The following MUC3A variants were observed in gnomAD, a reference collection of about 807,000 sequenced individuals.
MUC3A encodes mucin-3A.
MUC3A carries 109 observed loss-of-function variants against 109.0 expected under a neutral mutation model. The ratio of observed to expected loss-of-function variants is 1.00; its 90% CI spans 0.86 to 1.17. The LOEUF is 1.17. MUC3A is among the 50% of genes most tolerant of loss of function. The pLI is 0.00. For missense variants in MUC3A, 3,537 were observed against 2,469.4 expected (o/e 1.43, Z -9.16); for synonymous variants, 1,398 against 981.4 (o/e 1.42, Z -7.93).
Position 100,955,998 on chromosome 7 carries a change from C to T in MUC3A, c.4219C>T (p.Pro1407Ser), listed in dbSNP as rs1792086180. The T allele has an allele frequency of 2.0e-6, 1 of 494,714 alleles. No homozygotes were observed. Among genetic ancestry groups the T allele is most frequent in the South Asian group, 4.7e-5 (1 of 21,380 alleles). The allele number at this position is 494,714 out of a possible 1,614,324, so 30.6% of individuals were successfully genotyped here. The stretch of plus-strand genomic sequence containing the variant: ...TTCTATGAGAACTACGACCTCTTGG[C>T]CCACAGCCACTAATACGTTATCACC... ...MTSMRTTTSW[P>S]TATNTLSPLT... Residue 1407 changes from proline to serine, a missense_variant, in exon 2 of 12, where the codon CCC (proline) becomes TCC (serine). Coordinates refer to ENST00000379458, the MANE Select transcript of MUC3A (RefSeq NM_005960.2).
rs1254005163 is a variant in MUC3A, at chr7:100,960,660, C to T, written c.8866+15C>T. 1.3e-6 allele frequency: 2 copies of T among 1,594,074 alleles called. No homozygotes were observed. Among genetic ancestry groups the T allele is most frequent in the African/African-American group, 2.7e-5 (2 of 74,876 alleles). On this transcript the variant is annotated intron_variant, in intron 2 of 11. Coordinates refer to ENST00000379458, the MANE Select transcript of MUC3A (RefSeq NM_005960.2). Reference sequence around the variant, plus strand: ...CACCACTGCAGGTTGGACCTTCTGCCTCTCTGTTCCCCTCCTTCCTCCCCT... The same window carrying T: ...CACCACTGCAGGTTGGACCTTCTGCTTCTCTGTTCCCCTCCTTCCTCCCCT...
At chr7:100,966,145 C>A in intron 8 of MUC3A, 1 of 292,388 alleles carries the variant, frequency 3.4e-6, no homozygotes, top group Non-Finnish European at 5.1e-6. Context: ...GGTTGAACCC[C>A]GCCCCCTCCT....
At chr7:100,962,484 A>T in intron 3 of MUC3A, among the ~76,000 whole-genome samples, 1 of 152,312 alleles carries the variant, frequency 6.6e-6, no homozygotes, top group Non-Finnish European at 1.5e-5. Context: ...CTCCCTTGCC[A>T]TGTAGTATAG....
intron 8 of MUC3A, 66 bp from the exon 9 acceptor site, chr7:100,966,320 G>A (rs1245607800): frequency 2.1e-5 from 26 of 1,229,038 alleles, no homozygotes; most frequent in Middle Eastern, 6.0e-4. Flanking sequence ...CCCCCGCGGG[G>A]CCCAGGTGCA....
chr7:100,957,232 C>T lies in MUC3A; in HGVS notation c.5453C>T (p.Pro1818Leu). Residue 1818 changes from proline (P) to leucine (L), a missense_variant, in exon 2 of 12, where the codon CCT (proline) becomes CTT (leucine). Pro to Leu is a moderately conservative substitution (Grantham distance 98). Coordinates refer to ENST00000379458, the MANE Select transcript of MUC3A (RefSeq NM_005960.2). ...AITSGTTNTTPLSTLVTTFSN... is the reference protein window; with the variant it reads ...AITSGTTNTTLLSTLVTTFSN... ...ACCAGTGGTACCACAAACACCACCCCTCTATCTACATTGGTGACCACATTC... is the reference window on the plus strand; with the variant it reads ...ACCAGTGGTACCACAAACACCACCCTTCTATCTACATTGGTGACCACATTC... The T allele has an allele frequency of 2.0e-6, 1 of 489,668 alleles. No homozygotes were observed. Among genetic ancestry groups the T allele is most frequent in the Non-Finnish European group, 3.6e-6 (1 of 281,340 alleles). 30.3% of individuals were successfully genotyped at this position (489,668 alleles called of 1,614,324 possible).
chr7:100,961,665 T>C, intron 3 of MUC3A, among the ~76,000 whole-genome samples: 1 of 148,664 alleles, frequency 6.7e-6, no homozygotes, highest in Non-Finnish European at 1.5e-5. Context: ...GTCTCTACTA[T>C]TAGTTGGGCA....
chr7:100,959,737 C>A lies in MUC3A; in HGVS notation c.7958C>A (p.Thr2653Lys). ...ACTCCCTCATTGCAAACTTCACTCA[C>A]ATCTACAAGTGAGTTCACTACAGAA... ...PSTPSLQTSL[T>K]STSEFTTESF... The change falls in exon 2 of 12, where the codon ACA becomes AAA. Residue 2653 changes from threonine (T) to lysine (K), a missense_variant. Coordinates refer to ENST00000379458, the MANE Select transcript of MUC3A (RefSeq NM_005960.2). 6.3e-7 allele frequency: 1 copy of A among 1,598,512 alleles called. No individual in the cohort carries two copies. The highest frequency in any genetic ancestry group is 8.5e-7 in the Non-Finnish European group (1 of 1,179,800).
rs749170559 is a variant in MUC3A at position 100,967,110 on chromosome 7, G to A, written c.9931-11G>A. ...GCTCCGCGTTCCCGTCCCTCACTGTGACTCTGACAGGTGCACATCAAGAGA... is the reference window on the plus strand; with the variant it reads ...GCTCCGCGTTCCCGTCCCTCACTGTAACTCTGACAGGTGCACATCAAGAGA... On this transcript the variant is annotated splice_polypyrimidine_tract_variant and intron_variant, in intron 11 of 11. Transcript: ENST00000379458. 6.3e-7 allele frequency: 1 copy of A among 1,598,550 alleles called. No individual in the cohort carries two copies. Among genetic ancestry groups the A allele is most frequent in the Admixed American group, 1.7e-5 (1 of 60,034 alleles).
chr7:100,959,533 C>A lies in MUC3A; in HGVS notation c.7754C>A (p.Thr2585Lys), dbSNP rs78684063. 6.5e-7 allele frequency: 1 copy of A among 1,549,502 alleles called. No individual in the cohort carries two copies. The highest frequency in any genetic ancestry group is 8.7e-7 in the Non-Finnish European group (1 of 1,149,266). Residue 2585 changes from threonine (T) to lysine (K), a missense_variant, in exon 2 of 12, where the codon ACG (threonine) becomes AAG (lysine). Physicochemically the swap from Thr to Lys is moderately conservative, Grantham distance 78. Transcript: ENST00000379458. Reference sequence around the variant, plus strand: ...CCAACACAGACCCCTCCTGTACTGACGTCAGCCACTGGGACCCAAACATCT... The same window carrying A: ...CCAACACAGACCCCTCCTGTACTGAAGTCAGCCACTGGGACCCAAACATCT... ...ETPTQTPPVL[T>K]SATGTQTSPA...
rs1250549182 is a variant in MUC3A, at chr7:100,957,068, C to T, written c.5289C>T (p.Ile1763=). 3 of 470,042 alleles carry T rather than the reference C, an allele frequency of 6.4e-6. No homozygotes were observed. The highest frequency in any genetic ancestry group is 1.1e-5 in the Non-Finnish European group (3 of 267,430). The allele number at this position is 470,042 out of a possible 1,614,324, so 29.1% of individuals were successfully genotyped here. ...FKTAVSSTPP[I]TSSITSTYTV... Reference sequence around the variant, plus strand: ...CAGCCGTGAGTTCTACTCCCCCCATCACTTCTTCAATCACCTCCACATATA... The same window carrying T: ...CAGCCGTGAGTTCTACTCCCCCCATTACTTCTTCAATCACCTCCACATATA... Residue 1763 remains isoleucine (I), a synonymous_variant, in exon 2 of 12, where the codon ATC becomes ATT. Transcript: ENST00000379458.
At chr7:100,965,502 C>T (rs1470054624) in intron 7 of MUC3A, 155 bp downstream of exon 7, 1 of 1,436,360 alleles carries the variant, frequency 7.0e-7, no homozygotes, top group South Asian at 1.3e-5. Flanking sequence ...TTAGTGGCTT[C>T]CACCTGAGGA....
Position 100,958,057 on chromosome 7 carries a change from T to A in MUC3A, c.6278T>A (p.Phe2093Tyr), listed in dbSNP as rs1454849783. The A allele has an allele frequency of 6.6e-3, 4,017 of 609,892 alleles. 2 individuals are homozygous for A. Among genetic ancestry groups the A allele is most frequent in the Admixed American group, 0.036 (381 of 10,444 alleles). 37.8% of individuals were successfully genotyped at this position (609,892 alleles called of 1,614,324 possible). A position where few individuals can be genotyped will look rare whatever the true frequency, so the allele number is the denominator to read the frequency against. Reference sequence around the variant, plus strand: ...ACCCCCTCACACAGTACTCTCAGCTTCACTTCTTCAATCACCACCACTGAG... The same window carrying A: ...ACCCCCTCACACAGTACTCTCAGCTACACTTCTTCAATCACCACCACTGAG... ...TETPSHSTLS[F>Y]TSSITTTETT... The change falls in exon 2 of 12, where the codon TTC becomes TAC. Residue 2093 changes from phenylalanine (F) to tyrosine (Y), a missense_variant. Physicochemically the swap from Phe to Tyr is conservative, Grantham distance 22. Coordinates refer to ENST00000379458, the MANE Select transcript of MUC3A (RefSeq NM_005960.2).
intron 3 of MUC3A, among the ~76,000 whole-genome samples, chr7:100,962,791 C>T (rs1206008457): frequency 3.7e-5 from 4 of 107,458 alleles, no homozygotes; most frequent in African/African-American, 1.5e-4. Flanking sequence ...CTTTCTCTTT[C>T]TTTCTTTCTC....
In MUC3A at chr7:100,957,115, C is replaced by A; in HGVS notation, c.5336C>A (p.Thr1779Asn). The change falls in exon 2 of 12, where the codon ACC (threonine) becomes AAC (asparagine). Residue 1779 changes from threonine (T) to asparagine (N), a missense_variant. Coordinates refer to ENST00000379458, the MANE Select transcript of MUC3A (RefSeq NM_005960.2). ...TATACGGTGACTTCGATGACAACTA[C>A]CACCCCTCTAGGGCCCACAGCCACT... is the stretch of plus-strand genomic sequence containing the variant. ...STYTVTSMTT[T>N]TPLGPTATNT... 2.2e-6 allele frequency: 1 copy of A among 461,930 alleles called. No homozygotes were observed. The allele number at this position is 461,930 out of a possible 1,614,324, so 28.6% of individuals were successfully genotyped here. A position where few individuals can be genotyped will look rare whatever the true frequency, so the allele number is the denominator to read the frequency against.
intron 11 of MUC3A, 41 bp from the exon 12 acceptor site, chr7:100,967,080 C>G (rs1298715849): frequency 1.9e-6 from 3 of 1,598,414 alleles, no homozygotes; most frequent in Admixed American, 3.3e-5. Flanking sequence ...CAGCCCAAAC[C>G]AGTGGCTCCG....
At position 100,963,154 on chromosome 7, in the gene MUC3A, T is replaced by C; in HGVS notation, c.9056T>C (p.Val3019Ala). The stretch of plus-strand genomic sequence containing the variant: ...GGGACATGCATGCTCTGTGTAGATG[T>C]AGTGGAGACCGAGGTGGGCATGGAA... ...EFAVEQVDLD[V>A]VETEVGMEVS... The change falls in exon 4 of 12, where the codon GTA becomes GCA. Residue 3019 changes from valine to alanine, a missense_variant. Val to Ala is a moderately conservative substitution (Grantham distance 64, BLOSUM62 0). Coordinates refer to ENST00000379458, the MANE Select transcript of MUC3A (RefSeq NM_005960.2). 3.1e-6 allele frequency: 5 copies of C among 1,598,224 alleles called. No homozygotes were observed. The highest frequency in any genetic ancestry group is 4.2e-6 in the Non-Finnish European group (5 of 1,179,732).
chr7:100,963,932 AG>A, intron 5 of MUC3A, 180 bp downstream of exon 5: 1 of 849,644 alleles, frequency 1.2e-6, no homozygotes, highest in Non-Finnish European at 1.8e-6. Context: ...TATCTGGAGG[AG>A]GGGTGGCACC....
Position 100,960,430 on chromosome 7 carries a change from C to G in MUC3A, c.8651C>G (p.Pro2884Arg). 6.3e-7 allele frequency: 1 copy of G among 1,598,588 alleles called. No individual in the cohort carries two copies. The highest frequency in any genetic ancestry group is 8.5e-7 in the Non-Finnish European group (1 of 1,179,824). The stretch of plus-strand genomic sequence containing the variant: ...AGTTCTGTGATCCCCCTACCTCTTC[C>G]TGGCGTCTCTACCATCCCGCTCACC... ...SNSSVIPLPL[P>R]GVSTIPLTMK... The change falls in exon 2 of 12, where the codon CCT becomes CGT. Residue 2884 changes from proline (P) to arginine (R), a missense_variant. Physicochemically the swap from Pro to Arg is moderately radical, Grantham distance 103. Coordinates refer to ENST00000379458, the MANE Select transcript of MUC3A (RefSeq NM_005960.2).
At chr7:100,965,069 T>G in intron 6 of MUC3A, 1 of 1,127,694 alleles carries the variant, frequency 8.9e-7, no homozygotes, top group Non-Finnish European at 1.2e-6. Context: ...GGTCAGCATT[T>G]CCCGGATGGC....
Sources: gnomAD v4.1 joint callset for allele counts (sites outside exome capture counted in the v4.1 genomes callset) on GRCh38, gnomAD v4.1.1 for gene constraint, MANE v1.5 for transcripts, NCBI Gene and HGNC (gene_info 2026-07-23, HGNC 2026-07-21) for gene names.